The following GDPD5 variants were observed in gnomAD, a reference collection of about 807,000 sequenced individuals.
GDPD5 encodes glycerophosphodiester phosphodiesterase domain containing 5, also known as glycerophosphodiester phosphodiesterase 2.
GDPD5 carries 48 observed loss-of-function variants against 75.1 expected under a neutral mutation model. The observed-to-expected ratio is 0.64, with a 90% CI of 0.51 to 0.81. GDPD5 has a LOEUF of 0.81. Ranked by LOEUF, GDPD5 falls within the 40% of genes least tolerant of loss-of-function variation. GDPD5 has a pLI of 0.00. For synonymous variants in GDPD5, 336 were observed against 339.0 expected, an observed-to-expected ratio of 0.99 and a Z score of 0.10; for missense variants, 706 against 822.6, an observed-to-expected ratio of 0.86 and a Z score of 1.73.
chr11:75,456,656 C>T (rs886209325), intron 6 of GDPD5, 101 bp downstream of exon 6: 8 of 1,131,254 alleles, frequency 7.1e-6, no homozygotes, highest in African/African-American at 4.6e-5. Flanking sequence ...ACAATTCTAA[C>T]GGTGATCCAG....
chr11:75,470,838 T>C (rs1442866256), intron 3 of GDPD5, among the ~76,000 whole-genome samples: 1 of 152,262 alleles, frequency 6.6e-6, no homozygotes, highest in Non-Finnish European at 1.5e-5. Flanking sequence ...TCTACATTTG[T>C]TCACCACACA....
At chr11:75,484,847 G>A (rs1335851406) in intron 2 of GDPD5, among the ~76,000 whole-genome samples, 2 of 152,220 alleles carry the variant, frequency 1.3e-5, no homozygotes, top group African/African-American at 2.4e-5. Flanking sequence ...GGGCACTCCA[G>A]GTCATTGCTG....
chr11:75,513,286 CAGT>C (rs1363969305), intron 1 of GDPD5, among the ~76,000 whole-genome samples: 1 of 152,168 alleles, frequency 6.6e-6, no homozygotes, highest in African/African-American at 2.4e-5. Flanking sequence ...ACTGACCCAG[CAGT>C]TACAGATGTT....
rs780822785 is a variant in GDPD5 at position 75,456,793 on chromosome 11, G to A, written c.339C>T (p.Ala113=). ...AGTGCAGGTTCATCTGCTGCCCCAC[G>A]GCAATGTGACATAGTGCCAGGACCT... The part of the protein sequence containing the change: ...GLLVLALCHI[A]VGQQMNLHWL... Residue 113 remains alanine (A), a synonymous_variant, in exon 6 of 17, where the codon GCC becomes GCT. Coordinates refer to ENST00000336898, the MANE Select transcript of GDPD5 (RefSeq NM_030792.8). 11 of 1,614,116 alleles carry A rather than the reference G, an allele frequency of 6.8e-6. No homozygotes were observed. The highest frequency in any genetic ancestry group is 6.7e-5 in the African/African-American group (5 of 74,948).
At chr11:75,437,430 T>C (rs1436454786) in intron 15 of GDPD5, 2 of 204,192 alleles carry the variant, frequency 9.8e-6, no homozygotes, top group African/African-American at 2.3e-5. Context: ...CACACCAATC[T>C]CAGGGAGTCC....
intron 2 of GDPD5, among the ~76,000 whole-genome samples, chr11:75,486,878 T>C (rs1432569453): frequency 6.6e-6 from 1 of 151,984 alleles, no homozygotes; most frequent in African/African-American, 2.4e-5. Flanking sequence ...GGAAGGGCAT[T>C]TTAGGTAAGG....
intron 6 of GDPD5, among the ~76,000 whole-genome samples, chr11:75,453,467 A>G (rs990627485): frequency 2.2e-4 from 34 of 151,976 alleles, no homozygotes; most frequent in African/African-American, 8.2e-4. Context: ...AAATACAAAA[A>G]AATTAGCTGG....
At chr11:75,450,593 G>GT (rs1316924938) in intron 6 of GDPD5, 1 of 154,534 alleles carries the variant, frequency 6.5e-6, no homozygotes, top group Non-Finnish European at 1.4e-5. Context: ...TAGGTCCGCC[G>GT]TGATGGGGGC....
chr11:75,439,819 G>A (rs182655406), intron 15 of GDPD5, 60 bp downstream of exon 15: 3 of 1,377,302 alleles, frequency 2.2e-6, no homozygotes, highest in Non-Finnish European at 3.1e-6. Flanking sequence ...CCTGGCTGGG[G>A]TGGGGGCTGG....
At chr11:75,480,752 C>T (rs1949895651) in intron 2 of GDPD5, among the ~76,000 whole-genome samples, 1 of 152,154 alleles carries the variant, frequency 6.6e-6, no homozygotes, top group South Asian at 2.1e-4. Flanking sequence ...GATCTGCCAC[C>T]TATTTTTGTA....
intron 2 of GDPD5, among the ~76,000 whole-genome samples, chr11:75,484,290 C>T (rs1200499389): frequency 6.6e-6 from 1 of 152,142 alleles, no homozygotes; most frequent in Non-Finnish European, 1.5e-5. Flanking sequence ...GTGCCCAGGT[C>T]TGGAAGTCAC....
At chr11:75,499,531 G>C (rs1196186736) in intron 1 of GDPD5, among the ~76,000 whole-genome samples, 1 of 151,918 alleles carries the variant, frequency 6.6e-6, no homozygotes, top group Non-Finnish European at 1.5e-5. Context: ...ATCAGGGCGG[G>C]TCTGACATTC....
intron 3 of GDPD5, among the ~76,000 whole-genome samples, chr11:75,474,889 C>T (rs571158703): frequency 1.3e-5 from 2 of 152,354 alleles, no homozygotes; most frequent in African/African-American, 2.4e-5. Flanking sequence ...AGTCCCCTTG[C>T]CTTTCTTCTT....
Position 75,468,626 on chromosome 11 carries a change from G to A in GDPD5, c.118-5737C>T, listed in dbSNP as rs1044587931. ...CAGACCACTAAAACCTCCCATGCAC[G>A]GCATCTGGTGAGGCTGACCTTCCAG... is the stretch of plus-strand genomic sequence containing the variant. On this transcript the variant is annotated intron_variant, in intron 3 of 16. Transcript: ENST00000336898. 6.6e-5 allele frequency among the ~76,000 whole-genome samples: 10 copies of A among 152,284 alleles called. No individual in the cohort carries two copies. The South Asian group carries it at 8.3e-4, about 13-fold the overall frequency.
At chr11:75,443,776 C>CTCA (rs1467859474) in intron 10 of GDPD5, among the ~76,000 whole-genome samples, 1 of 152,212 alleles carries the variant, frequency 6.6e-6, no homozygotes, top group Non-Finnish European at 1.5e-5. Context: ...TTGCAAATAG[C>CTCA]TCATATGGTG....
intron 1 of GDPD5, among the ~76,000 whole-genome samples, chr11:75,521,807 CA>C (rs1941468409): frequency 2.2e-5 from 3 of 134,678 alleles, no homozygotes; most frequent in African/African-American, 5.1e-5. Flanking sequence ...GAACCACAAA[CA>C]AAGGGGCTGT....
At position 75,449,510 on chromosome 11, in the gene GDPD5, TA is replaced by T; in HGVS notation, c.568+6del. The T allele has an allele frequency of 6.4e-7, 1 of 1,563,286 alleles. No homozygotes were observed. The highest frequency in any genetic ancestry group is 8.7e-7 in the Non-Finnish European group (1 of 1,153,016). ...TGGAGGGGCAGGCCCTTCACAGTTC[TA>T]CTCACAGGTCCGCTCTGCGCGGGCG... On this transcript the variant is annotated splice_donor_region_variant and intron_variant, in intron 8 of 16. Coordinates refer to ENST00000336898, the MANE Select transcript of GDPD5 (RefSeq NM_030792.8).
At chr11:75,513,889 C>T (rs1456984409) in intron 1 of GDPD5, among the ~76,000 whole-genome samples, 1 of 152,258 alleles carries the variant, frequency 6.6e-6, no homozygotes, top group African/African-American at 2.4e-5. Context: ...GAGGGCACGG[C>T]CTGGCCCAGG....
chr11:75,507,583 G>A (rs1339971550), intron 1 of GDPD5, among the ~76,000 whole-genome samples: 1 of 152,232 alleles, frequency 6.6e-6, no homozygotes, highest in African/African-American at 2.4e-5. Context: ...CTTAAGGCAG[G>A]GCTGTCTCCT....
Sources: gnomAD v4.1 joint callset for allele counts (sites outside exome capture counted in the v4.1 genomes callset) on GRCh38, gnomAD v4.1.1 for gene constraint, MANE v1.5 for transcripts, NCBI Gene and HGNC (gene_info 2026-07-23, HGNC 2026-07-21) for gene names.